FGF12: variants seen among roughly 807,000 people sequenced by gnomAD.
The protein encoded by FGF12 is fibroblast growth factor 12, also known as fibroblast growth factor 12B.
FGF12 carries 14 observed loss-of-function variants against 23.6 expected under a neutral mutation model. The observed-to-expected ratio is 0.59, with a 90% CI of 0.39 to 0.93. FGF12 has a LOEUF of 0.93. Ranked by LOEUF, FGF12 falls within the 40% of genes least tolerant of loss-of-function variation. FGF12 has a pLI of 0.00. For missense variants in FGF12, 175 were observed against 217.8 expected (o/e 0.80, Z 1.24); for synonymous variants, 62 against 77.3 (o/e 0.80, Z 1.04).
intron 2 of FGF12, among the ~76,000 whole-genome samples, chr3:192,522,935 G>A (rs915681668): frequency 5.3e-5 from 8 of 152,172 alleles, no homozygotes; most frequent in East Asian, 1.9e-4. Context: ...ATCAGTTGTC[G>A]TCTGAGGGAG....
intron 3 of FGF12, among the ~76,000 whole-genome samples, chr3:192,339,796 A>G (rs1385642002): frequency 6.6e-6 from 1 of 152,016 alleles, no homozygotes; most frequent in African/African-American, 2.4e-5. Flanking sequence ...TTCTTTGTTT[A>G]TATCTCTGTC....
rs1713462935 is a variant in FGF12, at chr3:192,142,635, A to G, written c.*1374T>C. ...AATACTTTAGTATTCTTAACTATGT[A>G]TGTGCCTTCTCTTACACTGAGTTCT... On this transcript the variant is annotated 3_prime_UTR_variant, in exon 6 of 6. Transcript: ENST00000445105. The G allele has an allele frequency of 6.6e-6, 1 of 152,136 alleles. No individual in the cohort carries two copies. Among genetic ancestry groups the G allele is most frequent in the Non-Finnish European group, 1.5e-5 (1 of 67,976 alleles). 9.4% of individuals were successfully genotyped at this position (152,136 alleles called of 1,614,324 possible). A position where few individuals can be genotyped will look rare whatever the true frequency, so the allele number is the denominator to read the frequency against.
At chr3:192,235,924 T>C (rs1238812148) in intron 4 of FGF12, among the ~76,000 whole-genome samples, 4 of 152,166 alleles carry the variant, frequency 2.6e-5, no homozygotes, top group Non-Finnish European at 5.9e-5. Context: ...TACTCTTGTG[T>C]TTCTAACTCC....
chr3:192,669,311 A>T (rs1717015972), intron 2 of FGF12, among the ~76,000 whole-genome samples: 1 of 152,066 alleles, frequency 6.6e-6, no homozygotes, highest in African/African-American at 2.4e-5. Context: ...GTGTGGTCCC[A>T]GCACAGTGGT....
intron 2 of FGF12, among the ~76,000 whole-genome samples, chr3:192,582,628 AG>A (rs1713201981): frequency 1.3e-5 from 2 of 152,100 alleles, no homozygotes; most frequent in African/African-American, 2.4e-5. Context: ...GTAGAATTTC[AG>A]TCCTGGTGGT....
intron 2 of FGF12, among the ~76,000 whole-genome samples, chr3:192,663,031 T>C (rs1272602550): frequency 6.6e-6 from 1 of 152,166 alleles, no homozygotes; most frequent in Admixed American, 6.5e-5. Flanking sequence ...ACCAGAATTC[T>C]GGTTCATGAT....
intron 2 of FGF12, among the ~76,000 whole-genome samples, chr3:192,454,609 T>C (rs1195771830): frequency 1.3e-5 from 2 of 152,188 alleles, no homozygotes; most frequent in Non-Finnish European, 2.9e-5. Flanking sequence ...ATAAACATGG[T>C]GCAAGGAGAG....
intron 2 of FGF12, among the ~76,000 whole-genome samples, chr3:192,663,318 A>C (rs1206234583): frequency 6.6e-6 from 1 of 152,246 alleles, no homozygotes; most frequent in African/African-American, 2.4e-5. Context: ...TTAATGGTAC[A>C]ATAGTACTCT....
chr3:192,263,699 T>C (rs1577296321), intron 4 of FGF12, among the ~76,000 whole-genome samples: 1 of 152,004 alleles, frequency 6.6e-6, no homozygotes, highest in East Asian at 1.9e-4. Context: ...TGAAATATCA[T>C]GCTGGCTATG....
chr3:192,416,562 C>T (rs1476342996), intron 2 of FGF12, among the ~76,000 whole-genome samples: 1 of 152,066 alleles, frequency 6.6e-6, no homozygotes, highest in Non-Finnish European at 1.5e-5. Context: ...GGAGGAAATA[C>T]AGCATATTTC....
At chr3:192,312,299 A>G (rs1715990059) in intron 4 of FGF12, among the ~76,000 whole-genome samples, 1 of 152,104 alleles carries the variant, frequency 6.6e-6, no homozygotes, top group Non-Finnish European at 1.5e-5. Context: ...CTTAGCTCTA[A>G]AAGCCATAGG....
At chr3:192,234,661 C>T (rs1359478338) in intron 4 of FGF12, among the ~76,000 whole-genome samples, 5 of 152,100 alleles carry the variant, frequency 3.3e-5, no homozygotes, top group Non-Finnish European at 7.3e-5. Flanking sequence ...CAGTATGATG[C>T]TGGCCATGGG....
At chr3:192,292,236 CT>C (rs1714795592) in intron 4 of FGF12, among the ~76,000 whole-genome samples, 1 of 151,904 alleles carries the variant, frequency 6.6e-6, no homozygotes, top group African/African-American at 2.4e-5. Context: ...CACGTGGTTT[CT>C]TTTCAAATGC....
chr3:192,348,262 G>A (rs148997107), intron 3 of FGF12, among the ~76,000 whole-genome samples: 388 of 152,242 alleles, frequency 2.5e-3, no homozygotes, highest in African/African-American at 8.9e-3. Flanking sequence ...AAGGGAAGCA[G>A]ATGTACTAAG....
intron 2 of FGF12, among the ~76,000 whole-genome samples, chr3:192,637,725 G>T (rs1365111550): frequency 6.6e-6 from 1 of 152,178 alleles, no homozygotes; most frequent in African/African-American, 2.4e-5. Flanking sequence ...TCAGATAAAA[G>T]TGTAAAAGGA....
intron 2 of FGF12, among the ~76,000 whole-genome samples, chr3:192,658,350 A>C (rs6809774): frequency 0.56 from 85,067 of 151,574 alleles, 24,258 homozygotes; most frequent in East Asian, 0.67. Flanking sequence ...GTAGCTCATC[A>C]CTTGCCTCTT....
chr3:192,195,273 G>A (rs769207789), intron 4 of FGF12, among the ~76,000 whole-genome samples: 1 of 152,156 alleles, frequency 6.6e-6, no homozygotes. Flanking sequence ...AAAGAGAAAA[G>A]TCAGAGTCCA....
chr3:192,422,037 A>ATT (rs11432834), intron 2 of FGF12, among the ~76,000 whole-genome samples: 20,364 of 150,330 alleles, frequency 0.14, 1,740 homozygotes, highest in South Asian at 0.19. Flanking sequence ...GCTTTAGTTT[A>ATT]TTTTTTTTTG....
rs1577098212 is a variant in FGF12 at position 192,648,561 on chromosome 3, T to C, written c.13+78620A>G. On this transcript the variant is annotated intron_variant, in intron 2 of 5. Transcript: ENST00000445105. The stretch of plus-strand genomic sequence containing the variant: ...TCCCCTTTTAACAAAAGCAAATTGT[T>C]TTAAAAACCCATGAATTTTCTGGCT... Among the ~76,000 whole-genome samples the C allele has an allele frequency of 2.6e-5, 4 of 152,242 alleles. No homozygotes were observed. In the East Asian group the frequency reaches 7.7e-4, roughly 29 times the overall value.
Sources: allele counts gnomAD v4.1 joint callset (sites outside exome capture counted in the v4.1 genomes callset), GRCh38; gene constraint gnomAD v4.1.1; transcripts MANE v1.5; gene names NCBI Gene and HGNC (gene_info 2026-07-23, HGNC 2026-07-21).